The following INHA variants were observed in gnomAD, a reference collection of about 807,000 sequenced individuals.
INHA encodes inhibin alpha chain.
Under a neutral mutation model 21.3 loss-of-function variants are expected in INHA, and 8 were observed. The ratio of observed to expected loss-of-function variants is 0.38; its 90% confidence interval spans 0.22 to 0.68. INHA has a LOEUF of 0.68. INHA is among the 30% of genes least tolerant of loss of function. The pLI is 0.53. For synonymous variants in INHA, 231 were observed against 207.5 expected (o/e 1.11, Z -0.97); for missense variants, 436 against 465.8 (o/e 0.94, Z 0.59).
intron 1 of INHA, among the ~76,000 whole-genome samples, chr2:219,574,464 T>C (rs1056340929): frequency 6.6e-6 from 1 of 152,104 alleles, no homozygotes; most frequent in African/African-American, 2.4e-5. Context: ...CAGAGAGAAG[T>C]TGGCAATGTC....
intron 1 of INHA, among the ~76,000 whole-genome samples, chr2:219,574,057 T>C (rs544099811): frequency 2.0e-5 from 3 of 151,954 alleles, no homozygotes; most frequent in South Asian, 4.2e-4. Context: ...GGCAGGCAGA[T>C]TGCTTGAGCT....
rs1574594603 is a variant in INHA, at chr2:219,572,549, C to T, written c.175C>T (p.Pro59Ser). The T allele has an allele frequency of 3.8e-6, 6 of 1,576,768 alleles. No individual in the cohort carries two copies. In the East Asian group the frequency reaches 1.2e-4, roughly 31 times the overall value. ...TGGGGACCCTGGAGTCAGGCGGCTG[C>T]CCCGAAGACATGCCCTGGGGGGCTT... ...EGGDPGVRRL[P>S]RRHALGGFTH... is the part of the protein sequence containing the mutation. Residue 59 changes from proline to serine, a missense_variant, in exon 1 of 2, where the codon CCC becomes TCC. By Grantham distance (74) the Pro-to-Ser change is moderately conservative. Transcript: ENST00000243786.
Position 219,572,318 on chromosome 2 carries a change from T to C in INHA, c.-57T>C. 6.2e-7 allele frequency: 1 copy of C among 1,612,348 alleles called. No individual in the cohort carries two copies. The highest frequency in any genetic ancestry group is 8.5e-7 in the Non-Finnish European group (1 of 1,179,710). On this transcript the variant is annotated 5_prime_UTR_variant, in exon 1 of 2. Coordinates refer to ENST00000243786, the MANE Select transcript of INHA (RefSeq NM_002191.4). Reference sequence around the variant, plus strand: ...GAGTGGAAAGGCCCTGGGCAGACCCTGGCAGAAGGGGCACGGGGCAGGGTG... The same window carrying C: ...GAGTGGAAAGGCCCTGGGCAGACCCCGGCAGAAGGGGCACGGGGCAGGGTG...
rs12720060 is a variant in INHA at position 219,572,501 on chromosome 2, C to G, written c.127C>G (p.Pro43Ala). The part of the protein sequence containing the change: ...VRALFLDALG[P>A]PAVTREGGDP... The stretch of plus-strand genomic sequence containing the variant: ...GGCCCTGTTCTTGGATGCCTTGGGG[C>G]CCCCCGCGGTGACCAGGGAAGGTGG... Residue 43 changes from proline (P) to alanine (A), a missense_variant, in exon 1 of 2, where the codon CCC becomes GCC. By Grantham distance (27) the Pro-to-Ala change is conservative. Transcript: ENST00000243786. 638 of 1,610,728 alleles carry G rather than the reference C, an allele frequency of 4.0e-4. 1 individual carries two copies. Among genetic ancestry groups the G allele is most frequent in the Middle Eastern group, 1.0e-3 (6 of 5,970 alleles).
chr2:219,575,538 C>T lies in INHA; in HGVS notation c.*12C>T. 1 of 1,601,998 alleles carries T rather than the reference C, an allele frequency of 6.2e-7. No homozygotes were observed. Among genetic ancestry groups the T allele is most frequent in the Non-Finnish European group, 8.5e-7 (1 of 1,170,508 alleles). On this transcript the variant is annotated 3_prime_UTR_variant, in exon 2 of 2. Coordinates refer to ENST00000243786, the MANE Select transcript of INHA (RefSeq NM_002191.4). ...GTGCTTGTATCTAAGGGTGGGGGGTCTTCCTTCTTAATCCCATGGCTGGTG... is the reference window on the plus strand; with the variant it reads ...GTGCTTGTATCTAAGGGTGGGGGGTTTTCCTTCTTAATCCCATGGCTGGTG...
chr2:219,572,571 G>C lies in INHA; in HGVS notation c.197G>C (p.Gly66Ala), dbSNP rs1369410899. Residue 66 changes from glycine (G) to alanine (A), a missense_variant, in exon 1 of 2, where the codon GGC becomes GCC. Gly to Ala is a moderately conservative substitution (Grantham distance 60). Transcript: ENST00000243786. The stretch of plus-strand genomic sequence containing the variant: ...CTGCCCCGAAGACATGCCCTGGGGG[G>C]CTTCACACACAGGGGCTCTGAGCCC... ...RRLPRRHALG[G>A]FTHRGSEPEE... The C allele has an allele frequency of 6.4e-7, 1 of 1,562,562 alleles. No individual in the cohort carries two copies.
rs1355433029 is a variant in INHA at position 219,572,315 on chromosome 2, C to A, written c.-60C>A. On this transcript the variant is annotated 5_prime_UTR_variant, in exon 1 of 2. Transcript: ENST00000243786. ...GGAGAGTGGAAAGGCCCTGGGCAGA[C>A]CCTGGCAGAAGGGGCACGGGGCAGG... 1.2e-6 allele frequency: 2 copies of A among 1,611,644 alleles called. No individual in the cohort carries two copies. Among genetic ancestry groups the A allele is most frequent in the Non-Finnish European group, 1.7e-6 (2 of 1,179,336 alleles).
At chr2:219,572,864 A>G (rs1346110436) in intron 1 of INHA, among the ~76,000 whole-genome samples, 3 of 152,246 alleles carry the variant, frequency 2.0e-5, no homozygotes, top group Middle Eastern at 3.2e-3. Flanking sequence ...CCTAGAGTGC[A>G]TGGCAGGTGG....
chr2:219,574,740 G>A lies in INHA; in HGVS notation c.315G>A (p.Glu105=). ...CAGCTGCCAGAGGGCTGGCCCAGGA[G>A]GCTGAGGAGGGCCTCTTCAGATACA... ...DKSAARGLAQ[E]AEEGLFRYMF... is the part of the protein sequence containing the mutation. The change falls in exon 2 of 2, where the codon GAG becomes GAA. Residue 105 remains glutamate (E), a synonymous_variant. Transcript: ENST00000243786. 1 of 1,614,048 alleles carries A rather than the reference G, an allele frequency of 6.2e-7. No individual in the cohort carries two copies. Among genetic ancestry groups the A allele is most frequent in the East Asian group, 2.2e-5 (1 of 44,886 alleles).
At chr2:219,573,902 G>C (rs2106127588) in intron 1 of INHA, among the ~76,000 whole-genome samples, 1 of 151,424 alleles carries the variant, frequency 6.6e-6, no homozygotes, top group South Asian at 2.1e-4. Context: ...GGAGCGGAAG[G>C]CAGAGGTTGC....
chr2:219,572,721 TG>T, intron 1 of INHA, 79 bp downstream of exon 1: 7 of 1,482,370 alleles, frequency 4.7e-6, no homozygotes, highest in Non-Finnish European at 6.4e-6. Context: ...CAGGCGGACC[TG>T]GGTTTGAATC....
chr2:219,572,316 C>A lies in INHA; in HGVS notation c.-59C>A. ...GAGAGTGGAAAGGCCCTGGGCAGAC[C>A]CTGGCAGAAGGGGCACGGGGCAGGG... On this transcript the variant is annotated 5_prime_UTR_variant, in exon 1 of 2. Transcript: ENST00000243786. 3 of 1,611,920 alleles carry A rather than the reference C, an allele frequency of 1.9e-6. No individual in the cohort carries two copies. Among genetic ancestry groups the A allele is most frequent in the Non-Finnish European group, 2.5e-6 (3 of 1,179,480 alleles).
In INHA at chr2:219,574,845, G is replaced by A; in HGVS notation, c.420G>A (p.Gln140=). The A allele has an allele frequency of 6.2e-7, 1 of 1,614,032 alleles. No individual in the cohort carries two copies. The highest frequency in any genetic ancestry group is 1.3e-5 in the African/African-American group (1 of 75,064). ...GGTTCCACACCGGGCTGGACAGGCAGGGCACAGCAGCCTCCAATAGCTCTG... is the reference window on the plus strand; with the variant it reads ...GGTTCCACACCGGGCTGGACAGGCAAGGCACAGCAGCCTCCAATAGCTCTG... The part of the protein sequence containing the change: ...QLWFHTGLDR[Q]GTAASNSSEP... The change falls in exon 2 of 2, where the codon CAG becomes CAA. Residue 140 remains glutamine, a synonymous_variant. Coordinates refer to ENST00000243786, the MANE Select transcript of INHA (RefSeq NM_002191.4).
In INHA at chr2:219,575,331, C is replaced by T. The variant is rs1419766294; in HGVS notation, c.906C>T (p.Asn302=). 6.2e-7 allele frequency: 1 copy of T among 1,614,218 alleles called. No individual in the cohort carries two copies. Among genetic ancestry groups the T allele is most frequent in the Admixed American group, 1.7e-5 (1 of 60,028 alleles). Residue 302 remains asparagine (N), a synonymous_variant, in exon 2 of 2, where the codon AAC becomes AAT. Coordinates refer to ENST00000243786, the MANE Select transcript of INHA (RefSeq NM_002191.4). ...HGGCGLHIPP[N]LSLPVPGAPP... ...GTTGTGGGCTGCACATCCCACCAAA[C>T]CTGTCCCTTCCAGTCCCTGGGGCTC...
At chr2:219,573,712 C>T (rs893435697) in intron 1 of INHA, among the ~76,000 whole-genome samples, 6 of 152,008 alleles carry the variant, frequency 3.9e-5, no homozygotes, top group African/African-American at 7.3e-5. Context: ...CGGTGGCTCA[C>T]GTCTGTACTC....
chr2:219,573,995 A>G (rs1440389448), intron 1 of INHA, among the ~76,000 whole-genome samples: 5 of 142,824 alleles, frequency 3.5e-5, no homozygotes, highest in East Asian at 4.2e-4. Flanking sequence ...AAATGGTAAT[A>G]TGGCTGGGTG....
Position 219,575,577 on chromosome 2 carries a change from C to A in INHA, c.*51C>A. The A allele has an allele frequency of 7.0e-7, 1 of 1,435,058 alleles. No individual in the cohort carries two copies. The highest frequency in any genetic ancestry group is 9.8e-7 in the Non-Finnish European group (1 of 1,022,744). The allele number at this position is 1,435,058 out of a possible 1,614,324, so 88.9% of individuals were successfully genotyped here. A position where few individuals can be genotyped will look rare whatever the true frequency, so the allele number is the denominator to read the frequency against. ...CCATGGCTGGTGGCCACGCCCCCAC[C>A]ATCATCAGCTGGGAGGAAAGGCAGA... On this transcript the variant is annotated 3_prime_UTR_variant, in exon 2 of 2. Transcript: ENST00000243786.
Position 219,574,694 on chromosome 2 carries a change from A to T in INHA, c.269A>T (p.Asp90Val), listed in dbSNP as rs1233110808. The T allele has an allele frequency of 3.1e-6, 5 of 1,610,044 alleles. No individual in the cohort carries two copies. The highest frequency in any genetic ancestry group is 2.2e-5 in the East Asian group (1 of 44,702). ...CTCCCTTTTCTTCTGTCTCCTGCAG[A>T]TGCCAGCTGTGAGGACAAGTCAGCT... is the stretch of plus-strand genomic sequence containing the variant. The part of the protein sequence containing the change: ...VSQAILFPAT[D>V]ASCEDKSAAR... The change falls in exon 2 of 2, where the codon GAT becomes GTT. Residue 90 changes from aspartate to valine, a missense_variant and splice_region_variant. Physicochemically the swap from Asp to Val is radical, Grantham distance 152. Coordinates refer to ENST00000243786, the MANE Select transcript of INHA (RefSeq NM_002191.4).
intron 1 of INHA, among the ~76,000 whole-genome samples, chr2:219,573,543 T>C (rs2106127371): frequency 6.6e-6 from 1 of 151,906 alleles, no homozygotes; most frequent in South Asian, 2.1e-4. Context: ...CTCTTCCTTG[T>C]TCTCCATTTT....
Sources: allele counts gnomAD v4.1 joint callset (sites outside exome capture counted in the v4.1 genomes callset), GRCh38; gene constraint gnomAD v4.1.1; transcripts MANE v1.5; gene names NCBI Gene and HGNC (gene_info 2026-07-23, HGNC 2026-07-21).